Variants in LYPD6B observed in about 807,000 individuals in gnomAD.
LYPD6B encodes ly6/PLAUR domain-containing protein 6B.
Under a neutral mutation model 22.8 loss-of-function variants are expected in LYPD6B, and 17 were observed. That is an observed-to-expected ratio of 0.75 (90% CI 0.51 to 1.12). The LOEUF (loss-of-function observed/expected upper bound fraction) is 1.12. Among genes scored for constraint, LYPD6B ranks in the 50% most tolerant of loss-of-function variants. The pLI is 0.00. For missense variants in LYPD6B, 221 were observed against 258.3 expected, an observed-to-expected ratio of 0.86 and a Z score of 0.99; for synonymous variants, 106 against 91.6, an observed-to-expected ratio of 1.16 and a Z score of -0.90.
At chr2:149,180,013 G>A (rs924673920) in intron 3 of LYPD6B, among the ~76,000 whole-genome samples, 3 of 152,140 alleles carry the variant, frequency 2.0e-5, no homozygotes, top group Admixed American at 6.5e-5. Context: ...GAAATGGAAA[G>A]TTTGTCCCTT....
chr2:149,057,288 C>A (rs1247667288), intron 1 of LYPD6B, among the ~76,000 whole-genome samples: 1 of 151,948 alleles, frequency 6.6e-6, no homozygotes, highest in Non-Finnish European at 1.5e-5. Context: ...CTTATGGTCT[C>A]AGGCTACAAA....
At chr2:149,155,680 T>G (rs2105853454) in intron 2 of LYPD6B, among the ~76,000 whole-genome samples, 1 of 152,336 alleles carries the variant, frequency 6.6e-6, no homozygotes, top group Middle Eastern at 3.4e-3. Flanking sequence ...CACTTGTGAC[T>G]TGCCTCCCAA....
intron 3 of LYPD6B, among the ~76,000 whole-genome samples, chr2:149,177,114 G>A (rs567873142): frequency 4.6e-5 from 7 of 152,278 alleles, no homozygotes; most frequent in Non-Finnish European, 5.9e-5. Context: ...AACCAAATGC[G>A]CAGTCTGGGT....
At chr2:149,149,292 G>A (rs774783615) in intron 2 of LYPD6B, among the ~76,000 whole-genome samples, 27 of 152,026 alleles carry the variant, frequency 1.8e-4, no homozygotes, top group Non-Finnish European at 3.2e-4. Context: ...AACAGAGCCC[G>A]AACCAAGAAA....
chr2:149,086,968 C>T (rs1480785450), intron 1 of LYPD6B, among the ~76,000 whole-genome samples: 7 of 151,918 alleles, frequency 4.6e-5, no homozygotes, highest in Middle Eastern at 3.4e-3. Context: ...TGTAATTACC[C>T]GTTAAAGACC....
rs1559004129 is a variant in LYPD6B at position 149,112,169 on chromosome 2, G to A, written c.-66-18714G>A. Among the ~76,000 whole-genome samples, 4 of 152,186 alleles carry A rather than the reference G, an allele frequency of 2.6e-5. No homozygotes were observed. In the East Asian group the frequency reaches 7.7e-4, roughly 29 times the overall value. ...GTAAAGGGGAACACAAAAATGGGTT[G>A]TAAGGAGATGCATGTCTGACAGACT... On this transcript the variant is annotated intron_variant, in intron 1 of 6. Transcript: ENST00000409642.
intron 3 of LYPD6B, among the ~76,000 whole-genome samples, chr2:149,189,357 T>C (rs2377505): frequency 0.011 from 920 of 85,092 alleles, 47 homozygotes; most frequent in Non-Finnish European, 0.019. Context: ...TATATATATA[T>C]ATATATATAT....
chr2:149,201,460 T>C (rs1478689545), intron 3 of LYPD6B, among the ~76,000 whole-genome samples: 1 of 152,224 alleles, frequency 6.6e-6, no homozygotes, highest in Non-Finnish European at 1.5e-5. Context: ...TCTCAGCAGA[T>C]AATTTTTAGT....
At chr2:149,178,116 C>G (rs573082026) in intron 3 of LYPD6B, among the ~76,000 whole-genome samples, 1 of 151,976 alleles carries the variant, frequency 6.6e-6, no homozygotes, top group East Asian at 1.9e-4. Context: ...AGAAAAATAT[C>G]CTTGACTCCA....
At chr2:149,053,568 T>G (rs1169949259) in intron 1 of LYPD6B, among the ~76,000 whole-genome samples, 1 of 152,258 alleles carries the variant, frequency 6.6e-6, no homozygotes, top group Non-Finnish European at 1.5e-5. Context: ...CTCACTGTTA[T>G]TATTTAATTG....
At chr2:149,104,983 T>C (rs1686403733) in intron 1 of LYPD6B, among the ~76,000 whole-genome samples, 1 of 152,212 alleles carries the variant, frequency 6.6e-6, no homozygotes, top group Admixed American at 6.5e-5. Flanking sequence ...CATGTATATA[T>C]AGTGTAAAGA....
chr2:149,160,564 T>A, intron 2 of LYPD6B, 200 bp from the exon 3 acceptor site: 2 of 668,456 alleles, frequency 3.0e-6, no homozygotes, highest in Non-Finnish European at 2.8e-6. Flanking sequence ...ACACTCTCTG[T>A]AATGTTAATG....
chr2:149,156,757 A>G (rs1689728186), intron 2 of LYPD6B, among the ~76,000 whole-genome samples: 1 of 152,110 alleles, frequency 6.6e-6, no homozygotes, highest in Non-Finnish European at 1.5e-5. Context: ...AGGGATTAGG[A>G]CCTCAACATA....
intron 2 of LYPD6B, among the ~76,000 whole-genome samples, chr2:149,151,323 G>T (rs983930357): frequency 1.3e-5 from 2 of 152,178 alleles, no homozygotes; most frequent in African/African-American, 4.8e-5. Flanking sequence ...TGTTTCTGCA[G>T]CTGTTATAGG....
At chr2:149,103,353 A>G (rs1460705042) in intron 1 of LYPD6B, among the ~76,000 whole-genome samples, 3 of 152,198 alleles carry the variant, frequency 2.0e-5, no homozygotes, top group Non-Finnish European at 4.4e-5. Context: ...TTCACAGAAC[A>G]TTAAGCTTAA....
chr2:149,180,163 C>T (rs572133573), intron 3 of LYPD6B, among the ~76,000 whole-genome samples: 5 of 152,244 alleles, frequency 3.3e-5, no homozygotes, highest in East Asian at 3.9e-4. Flanking sequence ...GTTAAGGTGA[C>T]GGTATGCCTT....
intron 2 of LYPD6B, among the ~76,000 whole-genome samples, chr2:149,151,945 C>T (rs2105832253): frequency 6.6e-6 from 1 of 152,288 alleles, no homozygotes; most frequent in South Asian, 2.1e-4. Flanking sequence ...TTCCACTACT[C>T]ACCATTCTGT....
chr2:149,147,614 A>G (rs1245588412), intron 2 of LYPD6B, among the ~76,000 whole-genome samples: 1 of 152,062 alleles, frequency 6.6e-6, no homozygotes, highest in East Asian at 1.9e-4. Context: ...TCCAGGTTCA[A>G]GTGATTCTCC....
chr2:149,132,823 T>C (rs1328784581), intron 2 of LYPD6B, among the ~76,000 whole-genome samples: 1 of 152,318 alleles, frequency 6.6e-6, no homozygotes, highest in Non-Finnish European at 1.5e-5. Context: ...ATTCTGAGAC[T>C]TAGATTGTTT....
Sources: allele counts gnomAD v4.1 joint callset (sites outside exome capture counted in the v4.1 genomes callset), GRCh38; gene constraint gnomAD v4.1.1; transcripts MANE v1.5; gene names NCBI Gene and HGNC (gene_info 2026-07-23, HGNC 2026-07-21).